Variants in USP9X observed in about 807,000 individuals in gnomAD.
The protein encoded by USP9X is ubiquitin carboxyl-terminal hydrolase 9X.
A neutral mutation model predicts 190.3 loss-of-function variants in USP9X; 7 were observed. That is an observed-to-expected ratio of 0.04 (90% CI 0.02 to 0.07). The LOEUF (loss-of-function observed/expected upper bound fraction) is 0.07. Among genes scored for constraint, USP9X ranks in the 10% least tolerant of loss-of-function variants. The pLI is 1.00. For synonymous variants in USP9X, 645 were observed against 659.5 expected, an observed-to-expected ratio of 0.98 and a Z score of 0.34; for missense variants, 1,010 against 1,916.9, an observed-to-expected ratio of 0.53 and a Z score of 8.83.
At chrX:41,129,223 T>G in intron 3 of USP9X, 78 bp downstream of exon 3, 1 of 990,984 alleles carries the variant, frequency 1.0e-6, no homozygotes, top group Non-Finnish European at 1.4e-6. Context: ...TCTTTATAGC[T>G]TCGTCACTGC....
At chrX:41,186,428 G>A in intron 23 of USP9X, 89 bp from the exon 24 acceptor site, 2 of 1,054,558 alleles carry the variant, frequency 1.9e-6, no homozygotes, top group South Asian at 4.0e-5. Context: ...AAGTCGTTCT[G>A]CAGGAGTGGG....
intron 26 of USP9X, chrX:41,189,885 T>C (rs1297354820): frequency 2.6e-5 from 3 of 115,111 alleles, no homozygotes; most frequent in Non-Finnish European, 3.6e-5. Context: ...TTTTGCAGTT[T>C]ACACTGATAA....
chrX:41,118,137 G>A (rs1214871855), intron 1 of USP9X, among the ~76,000 whole-genome samples: 6 of 112,143 alleles, frequency 5.4e-5, no homozygotes, highest in Non-Finnish European at 1.1e-4. Context: ...GATTACAGGC[G>A]TGAAACACCG....
intron 6 of USP9X, among the ~76,000 whole-genome samples, chrX:41,137,916 C>CT (rs2062389903): frequency 9.1e-6 from 1 of 109,422 alleles, no homozygotes. Context: ...TAATCCACAA[C>CT]TTAAGAGATT....
At chrX:41,104,735 A>G (rs781361708) in intron 1 of USP9X, among the ~76,000 whole-genome samples, 1 of 111,521 alleles carries the variant, frequency 9.0e-6, no homozygotes, top group South Asian at 3.8e-4. Flanking sequence ...TACTTCACAT[A>G]CATTCTCCTA....
chrX:41,101,443 C>T (rs1344726881), intron 1 of USP9X, among the ~76,000 whole-genome samples: 1 of 109,950 alleles, frequency 9.1e-6, no homozygotes. Context: ...AAAAATTAGC[C>T]GGGTGTGGTG....
At chrX:41,089,557 T>TA (rs1459214047) in intron 1 of USP9X, among the ~76,000 whole-genome samples, 3 of 111,853 alleles carry the variant, frequency 2.7e-5, no homozygotes, top group African/African-American at 9.8e-5. Context: ...GACAAAATAT[T>TA]ACACAACATT....
intron 14 of USP9X, 43 bp from the exon 15 acceptor site, chrX:41,162,747 G>T (rs1163955906): frequency 1.9e-6 from 2 of 1,063,251 alleles, no homozygotes; most frequent in Non-Finnish European, 2.5e-6. Context: ...CAGTGATTTG[G>T]GTTATCCATG....
In USP9X at chrX:41,189,297, G is replaced by A. The variant is rs772265847; in HGVS notation, c.3811-12G>A. 1.3e-5 allele frequency: 16 copies of A among 1,197,716 alleles called. No individual in the cohort carries two copies. Among genetic ancestry groups the A allele is most frequent in the African/African-American group, 1.8e-5 (1 of 56,826 alleles). ...TTCTTTGGGTAATTTGTTCTTGATT[G>A]TAATTTTACAGACCAATGCAGGCAA... On this transcript the variant is annotated splice_polypyrimidine_tract_variant and intron_variant, in intron 25 of 44. Transcript: ENST00000378308.
intron 1 of USP9X, among the ~76,000 whole-genome samples, chrX:41,098,259 G>T (rs1004833623): frequency 8.4e-5 from 9 of 107,612 alleles, no homozygotes; most frequent in African/African-American, 3.1e-4. Context: ...TCCTGCCTCA[G>T]CCTCCCGAGT....
intron 4 of USP9X, among the ~76,000 whole-genome samples, chrX:41,132,783 G>A (rs903324781): frequency 4.6e-5 from 5 of 109,473 alleles, no homozygotes; most frequent in Admixed American, 3.9e-4. Context: ...CAGGAAAGGT[G>A]TGATTTTTCT....
In USP9X at chrX:41,197,478, G is replaced by T. The variant is rs1362322282; in HGVS notation, c.4348G>T (p.Gly1450Cys). 11 of 1,209,423 alleles carry T rather than the reference G, an allele frequency of 9.1e-6. No individual in the cohort carries two copies. The highest frequency in any genetic ancestry group is 1.2e-5 in the Non-Finnish European group (11 of 894,423). The part of the protein sequence containing the change: ...FQTSEKKFHI[G>C]CEKGGANLIK... ...AACTTCTGAGAAAAAATTTCATATT[G>T]GTTGTGAAAAAGGAGGTGCTAATCT... The change falls in exon 29 of 45, where the codon GGT (glycine) becomes TGT (cysteine). Residue 1450 changes from glycine to cysteine, a missense_variant. Physicochemically the swap from Gly to Cys is radical, Grantham distance 159 (BLOSUM62 -3). Transcript: ENST00000378308.
intron 21 of USP9X, among the ~76,000 whole-genome samples, chrX:41,180,557 C>T (rs1218646686): frequency 8.9e-6 from 1 of 112,413 alleles, no homozygotes; most frequent in Non-Finnish European, 1.9e-5. Flanking sequence ...GCTTTGGACT[C>T]AAATGGACTT....
intron 28 of USP9X, among the ~76,000 whole-genome samples, chrX:41,197,162 G>A (rs769992528): frequency 9.0e-6 from 1 of 111,705 alleles, no homozygotes; most frequent in Non-Finnish European, 1.9e-5. Context: ...CTTCAAATTA[G>A]CATTTCTTCT....
At chrX:41,103,709 G>A (rs1391258467) in intron 1 of USP9X, among the ~76,000 whole-genome samples, 1 of 111,921 alleles carries the variant, frequency 8.9e-6, no homozygotes, top group Non-Finnish European at 1.9e-5. Context: ...AATAGAAAGT[G>A]ATTAAATTAG....
chrX:41,197,341 ACCCCACCCCCCG>A lies in USP9X; in HGVS notation c.4234-20_4234-9del. The A allele has an allele frequency of 3.5e-6, 1 of 288,795 alleles. No homozygotes were observed. Among genetic ancestry groups the A allele is most frequent in the Non-Finnish European group, 5.1e-6 (1 of 196,041 alleles). The allele number at this position is 288,795 out of a possible 1,213,427, so 23.8% of individuals were successfully genotyped here. A position where few individuals can be genotyped will look rare whatever the true frequency, so the allele number is the denominator to read the frequency against. On this transcript the variant is annotated splice_polypyrimidine_tract_variant and intron_variant, in intron 28 of 44. Transcript: ENST00000378308. ...AGACATTTGATTTCTTCCCCCCCCC[ACCCCACCCCCCG>A]CCTTTGGCAGGATGATGTTAAAAGA... is the stretch of plus-strand genomic sequence containing the variant.
intron 1 of USP9X, among the ~76,000 whole-genome samples, chrX:41,088,181 C>T (rs758542841): frequency 6.3e-5 from 7 of 111,931 alleles, no homozygotes; most frequent in Non-Finnish European, 5.6e-5. Context: ...GACGGGGTTT[C>T]ACCGTGTTAG....
At chrX:41,206,728 T>G (rs755027205) in intron 32 of USP9X, among the ~76,000 whole-genome samples, 41 of 111,067 alleles carry the variant, frequency 3.7e-4, no homozygotes, top group Admixed American at 1.6e-3. Context: ...AATGTCTGTC[T>G]TCTTATGATG....
At chrX:41,229,482 T>C in intron 42 of USP9X, 73 bp downstream of exon 42, 1 of 1,148,463 alleles carries the variant, frequency 8.7e-7, no homozygotes, top group Non-Finnish European at 1.2e-6. Flanking sequence ...AAGAAGAGAA[T>C]CATGAGAACT....
Sources: allele counts gnomAD v4.1 joint callset (sites outside exome capture counted in the v4.1 genomes callset), GRCh38; gene constraint gnomAD v4.1.1; transcripts MANE v1.5; gene names NCBI Gene and HGNC (gene_info 2026-07-23, HGNC 2026-07-21).